Variants in CEP128 observed in about 807,000 individuals in gnomAD.
CEP128 encodes the protein centrosomal protein 128.
CEP128 carries 132 observed loss-of-function variants against 156.7 expected under a neutral mutation model. The observed-to-expected ratio is 0.84, with a 90% CI of 0.73 to 0.97. CEP128 has a LOEUF of 0.97. Ranked by LOEUF, CEP128 falls within the 50% of genes least tolerant of loss-of-function variation. CEP128 has a pLI of 0.00. For missense variants in CEP128, 1,252 were observed against 1,281.9 expected, an observed-to-expected ratio of 0.98 and a Z score of 0.36; for synonymous variants, 469 against 448.9, an observed-to-expected ratio of 1.04 and a Z score of -0.57.
intron 14 of CEP128, among the ~76,000 whole-genome samples, chr14:80,481,501 G>A (rs1401418657): frequency 6.6e-6 from 1 of 152,174 alleles, no homozygotes; most frequent in East Asian, 1.9e-4. Flanking sequence ...TTCAAAGATG[G>A]TTTGGTCTCT....
intron 19 of CEP128, among the ~76,000 whole-genome samples, chr14:80,735,341 T>A (rs1182574731): frequency 6.6e-6 from 1 of 152,186 alleles, no homozygotes; most frequent in Non-Finnish European, 1.5e-5. Flanking sequence ...AGAAAGAATA[T>A]CAAATACGTA....
chr14:80,623,669 G>A (rs1350191589), intron 19 of CEP128, among the ~76,000 whole-genome samples: 1 of 151,014 alleles, frequency 6.6e-6, no homozygotes. Context: ...TCTTCAATAT[G>A]TAAAAGCAGT....
At chr14:80,603,961 T>C (rs935052218) in intron 19 of CEP128, among the ~76,000 whole-genome samples, 1 of 152,194 alleles carries the variant, frequency 6.6e-6, no homozygotes, top group African/African-American at 2.4e-5. Flanking sequence ...CAGTGAAATG[T>C]TGTGAAACGA....
intron 13 of CEP128, among the ~76,000 whole-genome samples, chr14:80,821,226 A>C (rs1191809493): frequency 6.6e-6 from 1 of 152,220 alleles, no homozygotes; most frequent in Non-Finnish European, 1.5e-5. Context: ...AATATCTAAA[A>C]AACAATTTAA....
At chr14:80,516,654 T>C (rs1315785037) in intron 23 of CEP128, among the ~76,000 whole-genome samples, 1 of 152,186 alleles carries the variant, frequency 6.6e-6, no homozygotes, top group Non-Finnish European at 1.5e-5. Flanking sequence ...GGCTACTGCT[T>C]GTCTAAATGC....
At chr14:80,932,265 G>A (rs1318926981) in intron 2 of CEP128, among the ~76,000 whole-genome samples, 10 of 152,214 alleles carry the variant, frequency 6.6e-5, no homozygotes, top group Admixed American at 5.9e-4. Flanking sequence ...ATAGCAGCAT[G>A]AGAATGGACC....
At chr14:80,573,276 G>A (rs1359750867) in intron 20 of CEP128, among the ~76,000 whole-genome samples, 1 of 151,902 alleles carries the variant, frequency 6.6e-6, no homozygotes, top group Non-Finnish European at 1.5e-5. Context: ...GAAATATTTG[G>A]GCTTTTGAGC....
At chr14:80,819,525 C>A (rs955788969) in intron 13 of CEP128, among the ~76,000 whole-genome samples, 1 of 151,984 alleles carries the variant, frequency 6.6e-6, no homozygotes, top group African/African-American at 2.4e-5. Flanking sequence ...GGATTACAGG[C>A]GTGAGCCACT....
At chr14:80,637,078 C>T (rs1440807401) in intron 19 of CEP128, among the ~76,000 whole-genome samples, 1 of 146,070 alleles carries the variant, frequency 6.8e-6, no homozygotes, top group African/African-American at 2.7e-5. Context: ...AAGAGCGAAA[C>T]TCCGTCTTTA....
At chr14:80,815,022 C>A (rs542330455) in intron 13 of CEP128, among the ~76,000 whole-genome samples, 1 of 152,136 alleles carries the variant, frequency 6.6e-6, no homozygotes, top group Non-Finnish European at 1.5e-5. Context: ...TGTGCCACTG[C>A]ACTCCAGCCT....
chr14:80,891,888 A>G (rs950811581), intron 8 of CEP128, among the ~76,000 whole-genome samples: 2 of 152,020 alleles, frequency 1.3e-5, no homozygotes, highest in Admixed American at 1.3e-4. Context: ...AGAAAACTAT[A>G]AGACACTGAT....
At chr14:80,959,021 C>T (rs1029325269) in intron 1 of CEP128, among the ~76,000 whole-genome samples, 1 of 152,182 alleles carries the variant, frequency 6.6e-6, no homozygotes, top group African/African-American at 2.4e-5. Context: ...TTATCTTCTA[C>T]TCATAGATTA....
At chr14:80,596,842 A>AAAGG (rs1555379468) in intron 19 of CEP128, among the ~76,000 whole-genome samples, 35 of 69,790 alleles carry the variant, frequency 5.0e-4, no homozygotes, top group Non-Finnish European at 8.7e-4. Flanking sequence ...AAAAAAAAAA[A>AAAGG]GGTGGGGGGG....
downstream of CEP128, among the ~76,000 whole-genome samples, chr14:80,493,533 C>T (rs1245527104): frequency 6.6e-6 from 1 of 152,084 alleles, no homozygotes; most frequent in Non-Finnish European, 1.5e-5. Context: ...GGCTTTGCAC[C>T]CACGTTAGAA....
At chr14:80,567,762 A>AAAGATTATT (rs1566784904) in intron 20 of CEP128, among the ~76,000 whole-genome samples, 1 of 152,112 alleles carries the variant, frequency 6.6e-6, no homozygotes, top group Non-Finnish European at 1.5e-5. Flanking sequence ...GAGAACAACT[A>AAAGATTATT]AAGATTATTT....
At chr14:80,912,606 T>C (rs1342282956) in intron 4 of CEP128, among the ~76,000 whole-genome samples, 1 of 152,176 alleles carries the variant, frequency 6.6e-6, no homozygotes, top group Non-Finnish European at 1.5e-5. Context: ...GCTCCATTGG[T>C]CAAGTACATC....
At chr14:80,546,248 A>C (rs756663386) in intron 21 of CEP128, among the ~76,000 whole-genome samples, 2 of 152,222 alleles carry the variant, frequency 1.3e-5, no homozygotes, top group Non-Finnish European at 2.9e-5. Flanking sequence ...CTTCTGAGCA[A>C]AACTGTGACA....
Position 80,743,250 on chromosome 14 carries a change from G to A in CEP128, c.2631C>T (p.Leu877=), listed in dbSNP as rs757978455. Residue 877 remains leucine (L), a synonymous_variant, in exon 19 of 25, where the codon CTC becomes CTT. Coordinates refer to ENST00000555265, the MANE Select transcript of CEP128 (RefSeq NM_152446.5). The stretch of plus-strand genomic sequence containing the variant: ...TTTCTCTCTCTTTCAGTTCCTCACA[G>A]AGCCACTGAAGTTTAGTCTAAAAAA... ...LAESKTKLQW[L]CEELKERENR... is the part of the protein sequence containing the mutation. The A allele has an allele frequency of 1.9e-6, 3 of 1,612,406 alleles. No homozygotes were observed. The highest frequency in any genetic ancestry group is 1.3e-5 in the African/African-American group (1 of 74,928).
intron 19 of CEP128, among the ~76,000 whole-genome samples, chr14:80,732,471 G>GGGGT (rs1555396234): frequency 3.9e-5 from 5 of 127,646 alleles, no homozygotes; most frequent in African/African-American, 9.0e-5. Flanking sequence ...TGATTAAGCA[G>GGGGT]GTGTGTGTGT....
Sources: gnomAD v4.1 joint callset for allele counts (sites outside exome capture counted in the v4.1 genomes callset) on GRCh38, gnomAD v4.1.1 for gene constraint, MANE v1.5 for transcripts, NCBI Gene and HGNC (gene_info 2026-07-23, HGNC 2026-07-21) for gene names.